MUC22: variants seen among roughly 807,000 people sequenced by gnomAD.
The protein encoded by MUC22 is mucin 22, also known as mucin-22.
Under a neutral mutation model 40.3 loss-of-function variants are expected in MUC22, and 24 were observed. The ratio of observed to expected loss-of-function variants is 0.60; its 90% CI spans 0.43 to 0.84. The LOEUF (loss-of-function observed/expected upper bound fraction) is 0.84, where lower values mean the gene tolerates loss of function less well. Ranked by LOEUF, MUC22 falls within the 40% of genes least tolerant of loss-of-function variation. The pLI, the probability that MUC22 is intolerant of heterozygous loss-of-function variation, is 0.00. For missense variants in MUC22, 1,926 were observed against 2,130.7 expected, an observed-to-expected ratio of 0.90 and a Z score of 1.89; for synonymous variants, 765 against 844.5, an observed-to-expected ratio of 0.91 and a Z score of 1.63.
exon 2 of MUC22, chr6:31,028,815 C>G (rs1274681682): frequency 5.9e-6 from 9 of 1,530,926 alleles, no homozygotes; most frequent in Non-Finnish European, 7.9e-6. Flanking sequence ...CCACTACAGC[C>G]ACTACCATAG....
exon 4 of MUC22, chr6:31,035,044 G>C (rs1405449608): frequency 8.6e-7 from 1 of 1,159,286 alleles, no homozygotes; most frequent in African/African-American, 1.6e-5. Context: ...GGTGGGAGGG[G>C]GTCATGGAGG....
At chr6:31,023,177 A>AAAT (rs530112143) in intron 1 of MUC22, among the ~76,000 whole-genome samples, 1 of 129,838 alleles carries the variant, frequency 7.7e-6, no homozygotes, top group African/African-American at 3.0e-5. Context: ...AAAAAAAAAA[A>AAAT]AGGCGAAAAA....
exon 2 of MUC22, chr6:31,027,665 C>A: frequency 1.3e-6 from 2 of 1,530,630 alleles, no homozygotes; most frequent in Non-Finnish European, 8.7e-7. Flanking sequence ...GGCTTGGAGA[C>A]CACCACAGTC....
At chr6:31,021,504 AG>A (rs1174400192) in intron 1 of MUC22, among the ~76,000 whole-genome samples, 2 of 149,440 alleles carry the variant, frequency 1.3e-5, no homozygotes, top group Non-Finnish European at 3.0e-5. Context: ...TGTCTAGCTC[AG>A]GGATTGTAAA....
rs562409370 is a variant in MUC22, at chr6:31,021,718, A to T, written c.71-3784A>T. ...GAGAACCTTTGTATGTAGCTCAGGGATTGTAAACGCACCAATCAGCACCCT... is the reference window on the plus strand; with the variant it reads ...GAGAACCTTTGTATGTAGCTCAGGGTTTGTAAACGCACCAATCAGCACCCT... On this transcript the variant is annotated intron_variant, in intron 1 of 3. Coordinates refer to ENST00000561890, the Ensembl canonical transcript of MUC22. Among the ~76,000 whole-genome samples the T allele has an allele frequency of 4.1e-3, 629 of 152,082 alleles. 2 individuals are homozygous for T. The highest frequency in any genetic ancestry group is 0.017 in the Middle Eastern group (5 of 294).
Position 31,032,117 on chromosome 6 carries a change from C to A in MUC22, c.4670-79C>A. The A allele has an allele frequency of 7.0e-7, 1 of 1,428,710 alleles. No homozygotes were observed. The highest frequency in any genetic ancestry group is 9.2e-7 in the Non-Finnish European group (1 of 1,081,636). 88.5% of individuals were successfully genotyped at this position (1,428,710 alleles called of 1,614,324 possible). On this transcript the variant is annotated intron_variant, in intron 2 of 3. Coordinates refer to ENST00000561890, the Ensembl canonical transcript of MUC22. This position sits in a 1 kb window ranked among gnomAD's most constrained non-coding sequence, Gnocchi z 4.1. ...CCACCATAGGTTTGTTAGATTCACCCTCCTCTGGTCTAAGCACCCCCATTC... is the reference window on the plus strand; with the variant it reads ...CCACCATAGGTTTGTTAGATTCACCATCCTCTGGTCTAAGCACCCCCATTC...
At chr6:31,025,760 C>A in exon 2 of MUC22, 1 of 1,531,464 alleles carries the variant, frequency 6.5e-7, no homozygotes, top group South Asian at 1.2e-5. Flanking sequence ...TCCACTAGGA[C>A]CTTCACCACA....
upstream of MUC22, among the ~76,000 whole-genome samples, chr6:31,008,919 G>A (rs117712789): frequency 1.3e-3 from 193 of 152,134 alleles, 4 homozygotes; most frequent in East Asian, 0.014. Flanking sequence ...TGTTTTCAGC[G>A]TGTACAATGT....
Position 31,032,589 on chromosome 6 carries a change from C to T in MUC22, c.5055+8C>T. 8.5e-6 allele frequency: 13 copies of T among 1,528,214 alleles called. No homozygotes were observed. The highest frequency in any genetic ancestry group is 1.1e-5 in the Non-Finnish European group (12 of 1,142,588). 94.7% of individuals were successfully genotyped at this position (1,528,214 alleles called of 1,614,324 possible). ...GGACTGAGTTTTTGTCTGGTGAGTACCCAGGGTGGGTTCATAGGGGAGCCT... is the reference window on the plus strand; with the variant it reads ...GGACTGAGTTTTTGTCTGGTGAGTATCCAGGGTGGGTTCATAGGGGAGCCT... On this transcript the variant is annotated splice_region_variant and intron_variant, in intron 3 of 3. Coordinates refer to ENST00000561890, the Ensembl canonical transcript of MUC22. The surrounding 1 kb of genome is among the most constrained non-coding windows in gnomAD (Gnocchi z 4.1).
At chr6:31,017,083 C>G (rs12204688) in intron 1 of MUC22, among the ~76,000 whole-genome samples, 18,209 of 152,256 alleles carry the variant, frequency 0.12, 1,275 homozygotes, top group African/African-American at 0.17. Flanking sequence ...GCCTCCCCCA[C>G]GCCGCCATGG....
At position 31,026,303 on chromosome 6, in the gene MUC22, C is replaced by T. The variant is rs1480462181; in HGVS notation, c.872C>T (p.Ser291Phe). ...AAAGCCTCTGAGACCACCACAGCCTCTACAGCAGGTTCTGAGACCACCACC... is the reference window on the plus strand; with the variant it reads ...AAAGCCTCTGAGACCACCACAGCCTTTACAGCAGGTTCTGAGACCACCACC... The change falls in exon 2 of 4, where the codon TCT becomes TTT. Residue 291 changes from serine (S) to phenylalanine (F), a missense_variant. Physicochemically the swap from Ser to Phe is radical, Grantham distance 155. Around this residue, in one of 3 missense-constraint regions of MUC22, gnomAD observed 1,281 missense variants for 1,337.8 expected, o/e 0.96. Coordinates refer to ENST00000561890, the Ensembl canonical transcript of MUC22. The T allele has an allele frequency of 3.3e-6, 5 of 1,514,084 alleles. No homozygotes were observed. In the East Asian group the frequency reaches 1.2e-4, roughly 37 times the overall value. 93.8% of individuals were successfully genotyped at this position (1,514,084 alleles called of 1,614,324 possible).
chr6:31,009,688 G>A (rs965651995), upstream of MUC22, among the ~76,000 whole-genome samples: 1 of 152,184 alleles, frequency 6.6e-6, no homozygotes, highest in African/African-American at 2.4e-5. Flanking sequence ...AAGAGAGTCT[G>A]GAAACTGAGT....
chr6:31,026,085 A>G, exon 2 of MUC22: 1 of 1,526,156 alleles, frequency 6.6e-7, no homozygotes, highest in Non-Finnish European at 8.8e-7. Flanking sequence ...CCACCACAGC[A>G]TCTACTGCAG....
chr6:31,011,897 T>G lies in MUC22; in HGVS notation c.70+1121T>G, dbSNP rs934339399. Among the ~76,000 whole-genome samples, 2 of 152,198 alleles carry G rather than the reference T, an allele frequency of 1.3e-5. No individual in the cohort carries two copies. On this transcript the variant is annotated intron_variant, in intron 1 of 3. Transcript: ENST00000561890. The surrounding 1 kb of genome is among the most constrained non-coding windows in gnomAD (Gnocchi z 4.5). ...CAACCCTTCTTCGGATGCTGCCTGA[T>G]TCCAAATCCATGTATAATCCCCTGA...
upstream of MUC22, among the ~76,000 whole-genome samples, chr6:31,009,639 C>T (rs569977964): frequency 6.6e-6 from 1 of 152,304 alleles, no homozygotes; most frequent in South Asian, 2.1e-4. Flanking sequence ...ATACCCGTAT[C>T]CTCATTTCCA....
exon 2 of MUC22, chr6:31,027,592 G>T (rs866298867): frequency 2.0e-6 from 3 of 1,522,426 alleles, no homozygotes; most frequent in Non-Finnish European, 1.8e-6. Context: ...AGTCACTACC[G>T]CAGGCTCTGA....
At chr6:31,009,314 A>C (rs559171539), upstream of MUC22, among the ~76,000 whole-genome samples, 6 of 152,056 alleles carry the variant, frequency 3.9e-5, no homozygotes, top group Admixed American at 1.3e-4. Context: ...CAATCCTCCC[A>C]CCTCAGCCTC....
exon 2 of MUC22, chr6:31,026,792 C>T: frequency 6.6e-7 from 1 of 1,507,358 alleles, no homozygotes; most frequent in Non-Finnish European, 8.9e-7. Flanking sequence ...ACTGCAGGCT[C>T]TGAGACCACT....
chr6:31,024,576 C>T (rs147941707), intron 1 of MUC22, among the ~76,000 whole-genome samples: 1,857 of 152,160 alleles, frequency 0.012, 12 homozygotes, highest in Middle Eastern at 0.058. Context: ...GAGTATACCC[C>T]TGTCAGCAAA....
Sources: allele counts gnomAD v4.1 joint callset (sites outside exome capture counted in the v4.1 genomes callset), GRCh38; gene constraint gnomAD v4.1.1; regional missense constraint gnomAD v4.1.1; non-coding constraint Gnocchi (gnomAD v3.1); transcripts MANE v1.5; gene names NCBI Gene and HGNC (gene_info 2026-07-23, HGNC 2026-07-21).